HEXB: variants seen among roughly 807,000 people sequenced by gnomAD.
HEXB encodes hexosaminidase subunit beta.
In HEXB, 51 loss-of-function variants were observed where a neutral mutation model predicts 71.2. The ratio of observed to expected loss-of-function variants is 0.72; its 90% CI spans 0.57 to 0.90. The LOEUF (loss-of-function observed/expected upper bound fraction) is 0.90. HEXB is among the 40% of genes least tolerant of loss of function. The probability of loss-of-function intolerance (pLI) is 0.00; values close to 1 mark genes in which losing one functional copy is unlikely to be tolerated. For missense variants in HEXB, 617 were observed against 677.0 expected (o/e 0.91, Z 0.98); for synonymous variants, 266 against 249.3 (o/e 1.07, Z -0.63).
intron 1 of HEXB, among the ~76,000 whole-genome samples, chr5:74,646,438 A>C (rs1267347011): frequency 6.6e-6 from 1 of 152,190 alleles, no homozygotes; most frequent in Non-Finnish European, 1.5e-5. Context: ...CCCAAAAAGC[A>C]GACAGCTTTT....
At chr5:74,668,060 C>T (rs1440583763) in intron 1 of HEXB, among the ~76,000 whole-genome samples, 3 of 152,178 alleles carry the variant, frequency 2.0e-5, no homozygotes, top group African/African-American at 4.8e-5. Context: ...GAGCCTGGCT[C>T]TTCAATATCC....
In HEXB at chr5:74,721,137, C is replaced by T. The variant is rs752609387; in HGVS notation, c.1633C>T (p.Pro545Ser). The T allele has an allele frequency of 4.3e-6, 7 of 1,613,050 alleles. No homozygotes were observed. In the Admixed American group the frequency reaches 1.2e-4, roughly 27 times the overall value. ...CTACAGACGTGGAATAGCTGCACAA[C>T]CTCTTTATGCTGGATATTGTAACCA... ...RMVERGIAAQ[P>S]LYAGYCNHEN... Residue 545 changes from proline to serine, a missense_variant, in exon 14 of 14, where the codon CCT becomes TCT. By Grantham distance (74) the Pro-to-Ser change is moderately conservative. Coordinates refer to ENST00000261416, the MANE Select transcript of HEXB (RefSeq NM_000521.4).
chr5:74,650,659 C>A (rs1050035701), intron 1 of HEXB, among the ~76,000 whole-genome samples: 1 of 151,990 alleles, frequency 6.6e-6, no homozygotes, highest in African/African-American at 2.4e-5. Context: ...CGGTGGCTCA[C>A]GCCTGTCATC....
chr5:74,665,192 A>C (rs1748411461), intron 1 of HEXB, among the ~76,000 whole-genome samples: 1 of 152,230 alleles, frequency 6.6e-6, no homozygotes, highest in Non-Finnish European at 1.5e-5. Context: ...TTATAAAAGG[A>C]AAAAGTTTTC....
chr5:74,651,405 C>T (rs186533135), intron 1 of HEXB, among the ~76,000 whole-genome samples: 12 of 152,294 alleles, frequency 7.9e-5, no homozygotes, highest in Non-Finnish European at 1.8e-4. Context: ...CTTCCTAGTA[C>T]CTCACAAAGA....
chr5:74,653,147 A>C (rs895214334), intron 1 of HEXB, among the ~76,000 whole-genome samples: 1 of 152,216 alleles, frequency 6.6e-6, no homozygotes, highest in African/African-American at 2.4e-5. Flanking sequence ...ATGCAGAGTC[A>C]TTGTGAATAC....
Position 74,676,831 on chromosome 5 carries a change from A to T in HEXB, c.-376-12497A>T, listed in dbSNP as rs191719455. ...TCCTAGTTGTTTATCCAGAATTTAC[A>T]TTAAAATAACATAAGCTATTGATTG... On this transcript the variant is annotated intron_variant, in intron 1 of 13. Coordinates refer to the HEXB transcript ENST00000511181. Among the ~76,000 whole-genome samples, 127 of 152,322 alleles carry T rather than the reference A, an allele frequency of 8.3e-4. No homozygotes were observed. The Middle Eastern group carries it at 0.01, about 12-fold the overall frequency.
intron 1 of HEXB, among the ~76,000 whole-genome samples, chr5:74,671,292 C>G (rs1048553706): frequency 1.3e-5 from 2 of 152,068 alleles, no homozygotes; most frequent in Non-Finnish European, 2.9e-5. Context: ...GGTCCATCAA[C>G]TAGTAAATGG....
chr5:74,681,435 A>G (rs1026236813), upstream of HEXB, among the ~76,000 whole-genome samples: 1 of 152,156 alleles, frequency 6.6e-6, no homozygotes, highest in Non-Finnish European at 1.5e-5. Flanking sequence ...GATTTAAAAT[A>G]TAACCCAAGC....
chr5:74,715,730 AGAG>A (rs1164016841), intron 8 of HEXB, 40 bp downstream of exon 8: 1 of 1,385,176 alleles, frequency 7.2e-7, no homozygotes, highest in African/African-American at 1.4e-5. Context: ...AAAAAAAAAA[AGAG>A]AGGCTGGGTG....
chr5:74,721,021 T>TAA (rs1749833909), intron 13 of HEXB, 97 bp from the exon 14 acceptor site: 2 of 1,066,088 alleles, frequency 1.9e-6, no homozygotes, highest in Non-Finnish European at 2.9e-6. Context: ...GATTCTAATT[T>TAA]AAGTTTCTAA....
In HEXB at chr5:74,685,316, TGGCGACACTGCTGGC is replaced by T. The variant is rs887796660; in HGVS notation, c.62_76del (p.Thr21_Ala25del). 15 of 1,570,792 alleles carry T rather than the reference TGGCGACACTGCTGGC, an allele frequency of 9.5e-6. No homozygotes were observed. Among genetic ancestry groups the T allele is most frequent in the African/African-American group, 2.7e-5 (2 of 73,754 alleles). ...CCGCCCATGCTGCTGGCGCTGCTGTTGGCGACACTGCTGGCGGCGATGTTGGCGCTGCTGACTCAG... is the reference window on the plus strand; with the variant it reads ...CCGCCCATGCTGCTGGCGCTGCTGTTGGCGATGTTGGCGCTGCTGACTCAG... On this transcript the variant is annotated inframe_deletion, in exon 1 of 14. Transcript: ENST00000261416.
In HEXB at chr5:74,693,613, T is replaced by G. The variant is rs771384286; in HGVS notation, c.446-26T>G. 34 of 1,503,396 alleles carry G rather than the reference T, an allele frequency of 2.3e-5. No individual in the cohort carries two copies. The East Asian group carries it at 7.4e-4, about 33-fold the overall frequency. 93.1% of individuals were successfully genotyped at this position (1,503,396 alleles called of 1,614,324 possible). ...TCATTGAGGGATTAACAAAAGTGTG[T>G]GTGTGATTTTAAATCCTCAATACAG... On this transcript the variant is annotated intron_variant, in intron 2 of 13. Coordinates refer to ENST00000261416, the MANE Select transcript of HEXB (RefSeq NM_000521.4).
At chr5:74,650,867 A>G (rs1748091094) in intron 1 of HEXB, among the ~76,000 whole-genome samples, 1 of 145,448 alleles carries the variant, frequency 6.9e-6, no homozygotes, top group African/African-American at 2.6e-5. Context: ...CAGAGCTTGC[A>G]GTGAGCTGGG....
chr5:74,679,297 G>A (rs1409553087), intron 1 of HEXB, among the ~76,000 whole-genome samples: 1 of 152,210 alleles, frequency 6.6e-6, no homozygotes, highest in Non-Finnish European at 1.5e-5. Flanking sequence ...GGCTTGAAGA[G>A]ACTCACTTTA....
chr5:74,675,072 T>C (rs1211464277), intron 1 of HEXB, among the ~76,000 whole-genome samples: 2 of 152,192 alleles, frequency 1.3e-5, no homozygotes, highest in East Asian at 3.8e-4. Flanking sequence ...TATTGCAACA[T>C]GGGAGTCAGA....
rs149882508 is a variant in HEXB, at chr5:74,718,410, A to AT, written c.1242+52dup. On this transcript the variant is annotated intron_variant, in intron 10 of 13. Transcript: ENST00000261416. ...TCTGATCAATATAAGAGACTTAATT[A>AT]TTTTTCTTGGGGCAACTGGGAATTT... The AT allele has an allele frequency of 3.7e-4, 515 of 1,384,444 alleles. 3 individuals are homozygous for AT. The African/African-American group carries it at 6.3e-3, about 17-fold the overall frequency. The allele number at this position is 1,384,444 out of a possible 1,614,324, so 85.8% of individuals were successfully genotyped here.
chr5:74,673,073 G>A (rs1472455631), intron 1 of HEXB, among the ~76,000 whole-genome samples: 2 of 152,168 alleles, frequency 1.3e-5, no homozygotes, highest in African/African-American at 4.8e-5. Flanking sequence ...TATATAAATA[G>A]TATTCATTAA....
chr5:74,667,701 T>C (rs981022536), intron 1 of HEXB, among the ~76,000 whole-genome samples: 2 of 152,216 alleles, frequency 1.3e-5, no homozygotes, highest in Non-Finnish European at 2.9e-5. Flanking sequence ...GCTGGTACAG[T>C]CTTTGTAGTC....
Sources: allele counts gnomAD v4.1 joint callset (sites outside exome capture counted in the v4.1 genomes callset), GRCh38; gene constraint gnomAD v4.1.1; transcripts MANE v1.5; gene names NCBI Gene and HGNC (gene_info 2026-07-23, HGNC 2026-07-21).